Variants in SPOCK3 observed in about 807,000 individuals in gnomAD.
The protein encoded by SPOCK3 is SPARC (osteonectin), cwcv and kazal like domains proteoglycan 3.
Under a neutral mutation model 56.6 loss-of-function variants are expected in SPOCK3, and 30 were observed. The observed-to-expected ratio is 0.53, with a 90% confidence interval of 0.40 to 0.72. The LOEUF is 0.72. Among genes scored for constraint, SPOCK3 ranks in the 30% least tolerant of loss-of-function variants. The probability of loss-of-function intolerance (pLI) is 0.00; values close to 1 mark genes in which losing one functional copy is unlikely to be tolerated. For missense variants in SPOCK3, 527 were observed against 530.0 expected, an observed-to-expected ratio of 0.99 and a Z score of 0.06; for synonymous variants, 196 against 183.3, an observed-to-expected ratio of 1.07 and a Z score of -0.56.
rs1165445979 is a variant in SPOCK3, at chr4:166,754,601, G to C, written c.838C>G (p.Gln280Glu). The C allele has an allele frequency of 1.9e-6, 3 of 1,613,642 alleles. No individual in the cohort carries two copies. Among genetic ancestry groups the C allele is most frequent in the Admixed American group, 3.3e-5 (2 of 59,930 alleles). ...LRSIYLDKNE[Q>E]CTKAFFNSCD... is the part of the protein sequence containing the mutation. ...GAATTGAAGAATGCCTTGGTACACT[G>C]TTCATTCTTATCAAGGTAAATGCTT... The change falls in exon 8 of 11, where the codon CAG (glutamine) becomes GAG (glutamate). Residue 280 changes from glutamine (Q) to glutamate (E), a missense_variant. Transcript: ENST00000357545.
chr4:167,147,749 A>G (rs1233507886), intron 2 of SPOCK3, among the ~76,000 whole-genome samples: 1 of 152,132 alleles, frequency 6.6e-6, no homozygotes, highest in Non-Finnish European at 1.5e-5. Context: ...CATAAGTGAG[A>G]CTGGAACAGT....
At chr4:166,906,650 C>T (rs1269882548) in intron 5 of SPOCK3, among the ~76,000 whole-genome samples, 1 of 151,792 alleles carries the variant, frequency 6.6e-6, no homozygotes, top group Non-Finnish European at 1.5e-5. Flanking sequence ...ATTTATCATG[C>T]ATAATATCTA....
chr4:166,922,596 C>T lies in SPOCK3; in HGVS notation c.351-9853G>A, dbSNP rs571969301. Among the ~76,000 whole-genome samples, 4 of 152,220 alleles carry T rather than the reference C, an allele frequency of 2.6e-5. No homozygotes were observed. The South Asian group carries it at 8.3e-4, about 32-fold the overall frequency. On this transcript the variant is annotated intron_variant, in intron 4 of 10. Transcript: ENST00000357545. ...TGACATCTCTCATGACATTAGGAGA[C>T]GTATCTGCGCCTAATACCTACTCTT...
chr4:166,984,174 C>A (rs560420709), intron 4 of SPOCK3, among the ~76,000 whole-genome samples: 5 of 152,166 alleles, frequency 3.3e-5, no homozygotes, highest in Non-Finnish European at 4.4e-5. Flanking sequence ...ACCACAAATG[C>A]ACTTAAATTC....
chr4:166,907,055 A>C (rs561317806), intron 5 of SPOCK3, among the ~76,000 whole-genome samples: 28 of 152,202 alleles, frequency 1.8e-4, no homozygotes, highest in African/African-American at 5.8e-4. Context: ...ATATATACAC[A>C]CACATTATAC....
chr4:167,064,171 A>C (rs757815041), intron 2 of SPOCK3, among the ~76,000 whole-genome samples: 2 of 151,836 alleles, frequency 1.3e-5, no homozygotes, highest in Non-Finnish European at 2.9e-5. Flanking sequence ...ACAGTTAATC[A>C]CTACCTTCTG....
At chr4:166,949,324 C>G (rs796328529) in intron 4 of SPOCK3, among the ~76,000 whole-genome samples, 2 of 152,280 alleles carry the variant, frequency 1.3e-5, no homozygotes, top group East Asian at 1.9e-4. Context: ...TCGTCTGAAG[C>G]CTTCTTCTCT....
chr4:166,752,874 A>G (rs911445408), intron 8 of SPOCK3, among the ~76,000 whole-genome samples: 4 of 151,984 alleles, frequency 2.6e-5, no homozygotes, highest in Non-Finnish European at 5.9e-5. Flanking sequence ...CATTAGAGAA[A>G]TTGTATAAGC....
chr4:167,155,364 C>T (rs1239603220), intron 2 of SPOCK3, among the ~76,000 whole-genome samples: 5 of 151,954 alleles, frequency 3.3e-5, no homozygotes, highest in South Asian at 2.1e-4. Flanking sequence ...GTGATCCACC[C>T]GCCTCGGCCT....
intron 6 of SPOCK3, among the ~76,000 whole-genome samples, chr4:166,856,808 CTAGA>C (rs376285168): frequency 6.8e-6 from 1 of 146,514 alleles, no homozygotes; most frequent in African/African-American, 2.6e-5. Flanking sequence ...ATCTATCTAT[CTAGA>C]TATCTAGATA....
At chr4:167,130,880 A>G (rs535613566) in intron 2 of SPOCK3, among the ~76,000 whole-genome samples, 3 of 152,312 alleles carry the variant, frequency 2.0e-5, no homozygotes, top group African/African-American at 7.2e-5. Context: ...TATGATCTTT[A>G]CTTAAAAGAT....
intron 3 of SPOCK3, among the ~76,000 whole-genome samples, chr4:167,059,015 G>C (rs369796300): frequency 0.096 from 14,563 of 151,998 alleles, 976 homozygotes; most frequent in Admixed American, 0.23. Flanking sequence ...ATGGATTAAA[G>C]ACTTAAACGT....
intron 8 of SPOCK3, among the ~76,000 whole-genome samples, chr4:166,744,818 G>T (rs1391604270): frequency 6.6e-6 from 1 of 152,110 alleles, no homozygotes; most frequent in African/African-American, 2.4e-5. Flanking sequence ...GAAAACCATG[G>T]CATGAGAACT....
chr4:166,863,976 A>G (rs1731516259), intron 6 of SPOCK3, among the ~76,000 whole-genome samples: 1 of 152,182 alleles, frequency 6.6e-6, no homozygotes, highest in South Asian at 2.1e-4. Context: ...AATCAACAGA[A>G]TATACATTCT....
intron 3 of SPOCK3, among the ~76,000 whole-genome samples, chr4:167,037,069 G>T (rs1752820578): frequency 6.6e-6 from 1 of 152,166 alleles, no homozygotes; most frequent in African/African-American, 2.4e-5. Flanking sequence ...AGATTGTAGA[G>T]TTGAGAATTT....
At chr4:166,768,513 C>T (rs1042082053) in intron 7 of SPOCK3, among the ~76,000 whole-genome samples, 28 of 152,264 alleles carry the variant, frequency 1.8e-4, no homozygotes, top group African/African-American at 6.0e-4. Context: ...TGAATATTGG[C>T]CCCCACTCTC....
At chr4:166,954,312 T>C (rs1743118151) in intron 4 of SPOCK3, among the ~76,000 whole-genome samples, 1 of 152,160 alleles carries the variant, frequency 6.6e-6, no homozygotes, top group Admixed American at 6.5e-5. Flanking sequence ...TTTGATATCA[T>C]CCCATCTGTC....
intron 4 of SPOCK3, among the ~76,000 whole-genome samples, chr4:166,947,949 C>A (rs959095713): frequency 6.6e-6 from 1 of 152,112 alleles, no homozygotes; most frequent in African/African-American, 2.4e-5. Context: ...CTGGGTATTA[C>A]AACACCAGAA....
chr4:167,149,697 T>C (rs1288453132), intron 2 of SPOCK3, among the ~76,000 whole-genome samples: 1 of 152,072 alleles, frequency 6.6e-6, no homozygotes, highest in Non-Finnish European at 1.5e-5. Context: ...TTTGGAGTCT[T>C]AAGGTCTATA....
Sources: allele counts gnomAD v4.1 joint callset (sites outside exome capture counted in the v4.1 genomes callset), GRCh38; gene constraint gnomAD v4.1.1; transcripts MANE v1.5; gene names NCBI Gene and HGNC (gene_info 2026-07-23, HGNC 2026-07-21).